Variants in FIG4 observed in about 807,000 individuals in gnomAD.
FIG4 encodes the protein polyphosphoinositide phosphatase.
A neutral mutation model predicts 118.6 loss-of-function variants in FIG4; 112 were observed. The ratio of observed to expected loss-of-function variants is 0.94; its 90% CI spans 0.81 to 1.11. FIG4 has a LOEUF of 1.11. Among genes scored for constraint, FIG4 ranks in the 50% least tolerant of loss-of-function variants. The pLI is 0.00. For synonymous variants in FIG4, 369 were observed against 381.2 expected (o/e 0.97, Z 0.37); for missense variants, 969 against 1,111.7 (o/e 0.87, Z 1.83).
intron 1 of FIG4, among the ~76,000 whole-genome samples, chr6:109,706,527 G>T (rs1430320465): frequency 6.6e-6 from 1 of 152,172 alleles, no homozygotes; most frequent in Admixed American, 6.5e-5. Flanking sequence ...TTTTCCCATT[G>T]TGAGTCCATT....
chr6:109,775,425 T>TG (rs1268120495), intron 15 of FIG4, among the ~76,000 whole-genome samples: 1 of 152,210 alleles, frequency 6.6e-6, no homozygotes, highest in African/African-American at 2.4e-5. Context: ...TTACCATACT[T>TG]GCTAAAAATT....
At chr6:109,778,591 T>TTTG (rs1777691348) in intron 16 of FIG4, among the ~76,000 whole-genome samples, 1 of 152,074 alleles carries the variant, frequency 6.6e-6, no homozygotes, top group African/African-American at 2.4e-5. Flanking sequence ...AGTTGTTTTT[T>TTTG]TTTGTTTGTT....
intron 1 of FIG4, among the ~76,000 whole-genome samples, chr6:109,705,897 A>G (rs990430218): frequency 7.9e-5 from 12 of 152,238 alleles, no homozygotes; most frequent in African/African-American, 2.9e-4. Flanking sequence ...TACCTCTTTT[A>G]AACCTAGGAT....
intron 12 of FIG4, among the ~76,000 whole-genome samples, chr6:109,762,715 A>C (rs1777149529): frequency 6.6e-6 from 1 of 151,908 alleles, no homozygotes; most frequent in Admixed American, 6.6e-5. Context: ...AAGACAATAA[A>C]AAAGAACTAA....
chr6:109,758,842 A>T (rs1415013564), intron 10 of FIG4, among the ~76,000 whole-genome samples: 1 of 152,240 alleles, frequency 6.6e-6, no homozygotes, highest in Non-Finnish European at 1.5e-5. Context: ...GCCAACAAAC[A>T]TATGAAAAAA....
chr6:109,815,045 G>A (rs1273616216), intron 22 of FIG4, among the ~76,000 whole-genome samples: 4 of 151,658 alleles, frequency 2.6e-5, no homozygotes, highest in African/African-American at 9.7e-5. Context: ...ATAAAATATA[G>A]CTAAATATAT....
At chr6:109,701,944 A>T (rs1170650805) in intron 1 of FIG4, among the ~76,000 whole-genome samples, 1 of 152,170 alleles carries the variant, frequency 6.6e-6, no homozygotes, top group Non-Finnish European at 1.5e-5. Context: ...CCCAGAGTAA[A>T]GCCCTGAAGG....
intron 15 of FIG4, among the ~76,000 whole-genome samples, chr6:109,767,246 C>T (rs912557448): frequency 2.6e-5 from 4 of 151,980 alleles, no homozygotes; most frequent in Non-Finnish European, 4.4e-5. Context: ...TTCAAAGTCT[C>T]GACAATTGTC....
At position 109,761,021 on chromosome 6, in the gene FIG4, T is replaced by C. The variant is rs564120177; in HGVS notation, c.1271+638T>C. On this transcript the variant is annotated intron_variant, in intron 11 of 22. Coordinates refer to ENST00000230124, the MANE Select transcript of FIG4 (RefSeq NM_014845.6). ...ATCTTGCATTGTCTTTTTGTTCACT[T>C]ACTACAGAATCATACAAGCTGTAGG... Among the ~76,000 whole-genome samples, 3 of 152,326 alleles carry C rather than the reference T, an allele frequency of 2.0e-5. No individual in the cohort carries two copies. In the East Asian group the frequency reaches 5.8e-4, roughly 29 times the overall value.
intron 10 of FIG4, among the ~76,000 whole-genome samples, chr6:109,753,161 T>C (rs963319414): frequency 2.0e-5 from 3 of 152,138 alleles, no homozygotes; most frequent in African/African-American, 7.2e-5. Context: ...ATATGCGGTG[T>C]TATTTCTCCC....
At chr6:109,816,762 G>A in intron 22 of FIG4, among the ~76,000 whole-genome samples, 1 of 152,160 alleles carries the variant, frequency 6.6e-6, no homozygotes, top group East Asian at 1.9e-4. Flanking sequence ...GAAAGAAGAT[G>A]GAAGTCACAA....
chr6:109,729,822 G>C (rs953311665), intron 4 of FIG4, among the ~76,000 whole-genome samples: 3 of 150,996 alleles, frequency 2.0e-5, no homozygotes, highest in Non-Finnish European at 4.4e-5. Context: ...AGATCAACAT[G>C]TAAGACATAC....
At position 109,741,383 on chromosome 6, in the gene FIG4, T is replaced by C. The variant is rs184024308; in HGVS notation, c.776-61T>C. On this transcript the variant is annotated intron_variant, in intron 7 of 22. Coordinates refer to ENST00000230124, the MANE Select transcript of FIG4 (RefSeq NM_014845.6). ...ATCTAAATGTTTATTTAAGGAATAA[T>C]GACTCTCTTGGTCTTATGTGACAGT... The C allele has an allele frequency of 5.3e-5, 54 of 1,026,918 alleles. No individual in the cohort carries two copies. The East Asian group carries it at 1.2e-3, about 23-fold the overall frequency. The allele number at this position is 1,026,918 out of a possible 1,614,324, so 63.6% of individuals were successfully genotyped here.
intron 22 of FIG4, among the ~76,000 whole-genome samples, chr6:109,808,095 G>A (rs1274277231): frequency 6.6e-6 from 1 of 152,094 alleles, no homozygotes; most frequent in African/African-American, 2.4e-5. Context: ...AGCTAAAAGT[G>A]GAGGAGCACT....
chr6:109,739,181 G>A (rs1178054177), intron 7 of FIG4, among the ~76,000 whole-genome samples: 1 of 152,134 alleles, frequency 6.6e-6, no homozygotes, highest in African/African-American at 2.4e-5. Context: ...AGGCAAGAGG[G>A]CAAAATAGAT....
intron 16 of FIG4, among the ~76,000 whole-genome samples, chr6:109,778,707 T>TCCTG (rs1416557136): frequency 6.6e-6 from 1 of 152,008 alleles, no homozygotes; most frequent in East Asian, 2.0e-4. Flanking sequence ...CACGCCATTC[T>TCCTG]CCTGCCTCGG....
At chr6:109,783,369 TC>T (rs1250364288) in intron 16 of FIG4, among the ~76,000 whole-genome samples, 2 of 152,232 alleles carry the variant, frequency 1.3e-5, no homozygotes, top group African/African-American at 4.8e-5. Flanking sequence ...GTTTCACTGT[TC>T]CTTAAAGATT....
At chr6:109,781,049 T>C (rs1021977760) in intron 16 of FIG4, among the ~76,000 whole-genome samples, 10 of 152,228 alleles carry the variant, frequency 6.6e-5, no homozygotes, top group East Asian at 1.9e-4. Context: ...CTGTCTGATA[T>C]GTGAGTTCCC....
chr6:109,762,730 T>A (rs533465658), intron 12 of FIG4, among the ~76,000 whole-genome samples: 1 of 151,916 alleles, frequency 6.6e-6, no homozygotes, highest in African/African-American at 2.4e-5. Context: ...AACTAACTAC[T>A]AGTGTATATG....
Sources: gnomAD v4.1 joint callset for allele counts (sites outside exome capture counted in the v4.1 genomes callset) on GRCh38, gnomAD v4.1.1 for gene constraint, MANE v1.5 for transcripts, NCBI Gene and HGNC (gene_info 2026-07-23, HGNC 2026-07-21) for gene names.